The following STK32B variants were observed in gnomAD, a reference collection of about 807,000 sequenced individuals.
The protein encoded by STK32B is serine/threonine-protein kinase 32B.
STK32B carries 43 observed loss-of-function variants against 52.6 expected under a neutral mutation model. The ratio of observed to expected loss-of-function variants is 0.82; its 90% confidence interval spans 0.64 to 1.05. The LOEUF (loss-of-function observed/expected upper bound fraction) is 1.05. STK32B is among the 50% of genes least tolerant of loss of function. The pLI is 0.00. For missense variants in STK32B, 621 were observed against 534.6 expected (o/e 1.16, Z -1.59); for synonymous variants, 238 against 204.3 (o/e 1.17, Z -1.41).
chr4:5,466,695 C>T lies in STK32B; in HGVS notation c.910-8C>T, dbSNP rs374120423. 1 of 1,608,310 alleles carries T rather than the reference C, an allele frequency of 6.2e-7. No individual in the cohort carries two copies. The highest frequency in any genetic ancestry group is 8.5e-7 in the Non-Finnish European group (1 of 1,177,396). ...ACAGACCATGTTTTCTTTTCTACTC[C>T]CCTTTAGAAAGGGAGGTTGAACTGC... On this transcript the variant is annotated splice_region_variant and splice_polypyrimidine_tract_variant and intron_variant, in intron 9 of 11. Transcript: ENST00000282908.
At chr4:5,068,826 G>A (rs749930111) in intron 1 of STK32B, among the ~76,000 whole-genome samples, 5 of 151,998 alleles carry the variant, frequency 3.3e-5, no homozygotes, top group Non-Finnish European at 7.4e-5. Context: ...AAATTAAGAC[G>A]GATGCAAAAC....
chr4:5,312,267 T>TA (rs55765868), intron 3 of STK32B, among the ~76,000 whole-genome samples: 5 of 150,188 alleles, frequency 3.3e-5, no homozygotes, highest in African/African-American at 5.0e-5. Flanking sequence ...GTTTTTTTTT[T>TA]ATTTTATTAT....
chr4:5,481,523 A>T (rs567395908), intron 11 of STK32B, among the ~76,000 whole-genome samples: 1 of 152,160 alleles, frequency 6.6e-6, no homozygotes, highest in South Asian at 2.1e-4. Context: ...ATTTTCTCCC[A>T]TTCTCTAGGT....
chr4:5,280,005 A>G (rs1728088905), intron 3 of STK32B, among the ~76,000 whole-genome samples: 1 of 152,134 alleles, frequency 6.6e-6, no homozygotes, highest in African/African-American at 2.4e-5. Context: ...AGGTCTCTGA[A>G]GTGTCCTGGA....
intron 3 of STK32B, among the ~76,000 whole-genome samples, chr4:5,213,707 C>T (rs1384313326): frequency 2.0e-5 from 3 of 152,194 alleles, no homozygotes; most frequent in South Asian, 2.1e-4. Context: ...TTTCTGATTG[C>T]AGCCCTCCCA....
intron 3 of STK32B, among the ~76,000 whole-genome samples, chr4:5,233,595 A>T (rs1280684994): frequency 6.6e-6 from 1 of 151,930 alleles, no homozygotes; most frequent in Non-Finnish European, 1.5e-5. Flanking sequence ...CAATTAAAGT[A>T]GATGAAGAAT....
intron 1 of STK32B, among the ~76,000 whole-genome samples, chr4:5,137,405 A>G (rs887637679): frequency 5.3e-5 from 8 of 152,172 alleles, no homozygotes; most frequent in Non-Finnish European, 1.2e-4. Flanking sequence ...TTCCTTTTCC[A>G]GTTCATCACT....
chr4:5,048,530 T>TAGGTA (rs1022449877), upstream of STK32B, among the ~76,000 whole-genome samples: 1 of 152,116 alleles, frequency 6.6e-6, no homozygotes, highest in African/African-American at 2.4e-5. Flanking sequence ...CTCCTGAGCT[T>TAGGTA]AGGTAATCCA....
intron 2 of STK32B, among the ~76,000 whole-genome samples, chr4:5,154,971 A>G (rs1026860168): frequency 2.6e-5 from 4 of 152,046 alleles, no homozygotes; most frequent in South Asian, 2.1e-4. Flanking sequence ...CCAGGCCACA[A>G]GGTCATGCAG....
At chr4:5,036,468 G>C in the STK32B span, among the ~76,000 whole-genome samples, 3 of 152,148 alleles carry the variant, frequency 2.0e-5, no homozygotes, top group Non-Finnish European at 4.4e-5. Context: ...GGCCAGAGTA[G>C]AAAATGCTGC....
chr4:5,253,297 C>G (rs1048856389), intron 3 of STK32B, among the ~76,000 whole-genome samples: 1 of 152,074 alleles, frequency 6.6e-6, no homozygotes, highest in Non-Finnish European at 1.5e-5. Flanking sequence ...ATATTTGAGA[C>G]CAGGTGTTGT....
chr4:5,206,115 C>T (rs1487164589), intron 3 of STK32B, among the ~76,000 whole-genome samples: 2 of 152,180 alleles, frequency 1.3e-5, no homozygotes, highest in Non-Finnish European at 2.9e-5. Flanking sequence ...CTTCTCAAGC[C>T]TGTGACAGTG....
At position 5,467,992 on chromosome 4, in the gene STK32B, GT is replaced by G. The variant is rs755927209; in HGVS notation, c.1042-13del. ...TGCTTTGTCATTTAGTCACCCCTCT[GT>G]GCTCTTTGACAGAATGGACACCTGC... is the stretch of plus-strand genomic sequence containing the variant. On this transcript the variant is annotated splice_polypyrimidine_tract_variant and intron_variant, in intron 10 of 11. Coordinates refer to ENST00000282908, the MANE Select transcript of STK32B (RefSeq NM_018401.3). This position sits in a 1 kb window ranked among gnomAD's most constrained non-coding sequence, Gnocchi z 5.8. 2 of 1,614,034 alleles carry G rather than the reference GT, an allele frequency of 1.2e-6. No homozygotes were observed. Among genetic ancestry groups the G allele is most frequent in the South Asian group, 1.1e-5 (1 of 91,068 alleles).
At chr4:5,236,533 A>G (rs78116040) in intron 3 of STK32B, among the ~76,000 whole-genome samples, 2,599 of 152,246 alleles carry the variant, frequency 0.017, 80 homozygotes, top group African/African-American at 0.058. Context: ...AACTGCATCA[A>G]TTAGCTTTGC....
intron 6 of STK32B, among the ~76,000 whole-genome samples, chr4:5,430,809 T>C (rs2109091015): frequency 6.6e-6 from 1 of 152,334 alleles, no homozygotes; most frequent in East Asian, 1.9e-4. Flanking sequence ...AGTTGGGTTT[T>C]AGTGTGGTTA....
Position 5,386,566 on chromosome 4 carries a change from A to G in STK32B, c.435-11641A>G, listed in dbSNP as rs116570912. ...TGTCTTCATCTGTAAGGAGAGGGAG[A>G]AACACAATTATTTCTTAGATCCCTT... On this transcript the variant is annotated intron_variant, in intron 4 of 11. Transcript: ENST00000282908. This position sits in a 1 kb window ranked among gnomAD's most constrained non-coding sequence, Gnocchi z 4.5. 6.2e-3 allele frequency among the ~76,000 whole-genome samples: 946 copies of G among 152,310 alleles called. 11 individuals are homozygous for G. Among genetic ancestry groups the G allele is most frequent in the African/African-American group, 0.021 (859 of 41,568 alleles).
At chr4:5,307,633 T>A (rs1272430012) in intron 3 of STK32B, among the ~76,000 whole-genome samples, 1 of 152,022 alleles carries the variant, frequency 6.6e-6, no homozygotes, top group African/African-American at 2.4e-5. Flanking sequence ...ATCCTTCTTC[T>A]GGCAATTCAT....
chr4:5,417,410 A>T (rs1712255106), intron 6 of STK32B, among the ~76,000 whole-genome samples: 1 of 152,170 alleles, frequency 6.6e-6, no homozygotes, highest in Non-Finnish European at 1.5e-5. Context: ...GATGCCTCTT[A>T]TCTGAATGCT....
intron 11 of STK32B, among the ~76,000 whole-genome samples, chr4:5,481,480 A>G (rs1331365811): frequency 6.6e-6 from 1 of 152,132 alleles, no homozygotes; most frequent in Non-Finnish European, 1.5e-5. Flanking sequence ...GATTCTGAAT[A>G]TTAGCCCATT....
Sources: gnomAD v4.1 joint callset for allele counts (sites outside exome capture counted in the v4.1 genomes callset) on GRCh38, gnomAD v4.1.1 for gene constraint, Gnocchi (gnomAD v3.1) non-coding constraint, MANE v1.5 for transcripts, NCBI Gene and HGNC (gene_info 2026-07-23, HGNC 2026-07-21) for gene names.